Variants in SMYD3 observed in about 807,000 individuals in gnomAD.
SMYD3 encodes the protein SET and MYND domain containing 3.
In SMYD3, 36 loss-of-function variants were observed where a neutral mutation model predicts 57.7. The observed-to-expected ratio is 0.62, with a 90% CI of 0.48 to 0.82. SMYD3 has a LOEUF of 0.82. SMYD3 is among the 40% of genes least tolerant of loss of function. SMYD3 has a pLI of 0.00. For synonymous variants in SMYD3, 211 were observed against 195.0 expected (o/e 1.08, Z -0.68); for missense variants, 515 against 538.8 (o/e 0.96, Z 0.44).
chr1:246,218,429 C>T (rs1267298771), intron 5 of SMYD3, among the ~76,000 whole-genome samples: 2 of 152,092 alleles, frequency 1.3e-5, no homozygotes, highest in African/African-American at 4.8e-5. Flanking sequence ...CGAGACCATC[C>T]TGGCTAACAC....
chr1:246,052,056 C>T (rs10737782), intron 5 of SMYD3, among the ~76,000 whole-genome samples: 58,147 of 152,096 alleles, frequency 0.38, 14,024 homozygotes, highest in African/African-American at 0.66. Flanking sequence ...GGATAAAATA[C>T]ACTTAATTAG....
At chr1:246,401,706 T>C (rs1558446342) in intron 1 of SMYD3, among the ~76,000 whole-genome samples, 1 of 139,522 alleles carries the variant, frequency 7.2e-6, no homozygotes, top group Non-Finnish European at 1.5e-5. Flanking sequence ...GCAATGTTCT[T>C]AAATCCCAGT....
At chr1:245,786,001 A>G (rs2047022608) in intron 10 of SMYD3, among the ~76,000 whole-genome samples, 2 of 151,700 alleles carry the variant, frequency 1.3e-5, no homozygotes, top group African/African-American at 2.4e-5. Flanking sequence ...CATGGTGCCC[A>G]GCCAGAATTT....
intron 1 of SMYD3, among the ~76,000 whole-genome samples, chr1:246,497,777 G>C (rs1482431206): frequency 1.3e-5 from 2 of 151,850 alleles, no homozygotes; most frequent in Admixed American, 1.3e-4. Flanking sequence ...GAGGAGGGAG[G>C]ATCACTTGAG....
chr1:245,785,644 CGAGA>C (rs59644890), intron 10 of SMYD3, among the ~76,000 whole-genome samples: 26 of 149,368 alleles, frequency 1.7e-4, no homozygotes, highest in Admixed American at 1.1e-3. Context: ...AGAGAGCGAG[CGAGA>C]GAGAGAGAGA....
At chr1:245,978,262 G>A (rs1015412774) in intron 5 of SMYD3, among the ~76,000 whole-genome samples, 7 of 152,140 alleles carry the variant, frequency 4.6e-5, no homozygotes, top group Non-Finnish European at 8.8e-5. Context: ...TTCATCTAGG[G>A]CAAGAATCAT....
chr1:245,979,803 A>G (rs533507838), intron 5 of SMYD3, among the ~76,000 whole-genome samples: 25 of 152,320 alleles, frequency 1.6e-4, no homozygotes, highest in Middle Eastern at 3.4e-3. Flanking sequence ...CGGCAGCTAG[A>G]TGGTCTCTAA....
chr1:246,126,606 C>A (rs1027725566), intron 5 of SMYD3, among the ~76,000 whole-genome samples: 1 of 152,210 alleles, frequency 6.6e-6, no homozygotes, highest in African/African-American at 2.4e-5. Flanking sequence ...AATAACCAGG[C>A]ATCAATCTAC....
chr1:245,939,319 A>G (rs1463269465), intron 5 of SMYD3, among the ~76,000 whole-genome samples: 1 of 152,114 alleles, frequency 6.6e-6, no homozygotes, highest in African/African-American at 2.4e-5. Flanking sequence ...AGCATTATAG[A>G]AGTATCGGTT....
At chr1:246,117,275 A>G (rs1432876647) in intron 5 of SMYD3, among the ~76,000 whole-genome samples, 1 of 152,206 alleles carries the variant, frequency 6.6e-6, no homozygotes, top group East Asian at 1.9e-4. Context: ...AGGACTTTCC[A>G]CTTTCATTTC....
intron 9 of SMYD3, among the ~76,000 whole-genome samples, chr1:245,861,852 T>C (rs1252998680): frequency 7.7e-6 from 1 of 130,014 alleles, no homozygotes; most frequent in East Asian, 2.0e-4. Flanking sequence ...TATAGGAGAG[T>C]AGTGAGTGCA....
At chr1:246,061,390 A>G (rs1332004647) in intron 5 of SMYD3, among the ~76,000 whole-genome samples, 2 of 152,108 alleles carry the variant, frequency 1.3e-5, no homozygotes, top group Non-Finnish European at 2.9e-5. Context: ...AATGCGTGGT[A>G]GGGAAATCCA....
intron 1 of SMYD3, among the ~76,000 whole-genome samples, chr1:246,467,244 A>G (rs565118034): frequency 2.0e-5 from 3 of 152,288 alleles, no homozygotes; most frequent in South Asian, 2.1e-4. Flanking sequence ...CTGTGACTCT[A>G]TTACTTAGGA....
At chr1:246,254,158 G>T (rs2063841232) in intron 5 of SMYD3, among the ~76,000 whole-genome samples, 1 of 152,042 alleles carries the variant, frequency 6.6e-6, no homozygotes, top group Non-Finnish European at 1.5e-5. Context: ...GTTTAATTAG[G>T]TCCCACCAGT....
intron 5 of SMYD3, chr1:246,322,379 A>G (rs921217158): frequency 1.3e-5 from 2 of 152,094 alleles, no homozygotes; most frequent in African/African-American, 4.8e-5. Context: ...AAGAGGGGGA[A>G]AAAAATCTCA....
intron 5 of SMYD3, among the ~76,000 whole-genome samples, chr1:246,257,603 G>A (rs2063920231): frequency 6.6e-6 from 1 of 152,290 alleles, no homozygotes; most frequent in Non-Finnish European, 1.5e-5. Context: ...TAAGTAGACT[G>A]TTTAGACCAT....
chr1:246,431,119 T>G lies in SMYD3; in HGVS notation c.164+75935A>C, dbSNP rs138167845. Among the ~76,000 whole-genome samples, 661 of 152,100 alleles carry G rather than the reference T, an allele frequency of 4.3e-3. 4 individuals carry two copies. Among genetic ancestry groups the G allele is most frequent in the Middle Eastern group, 0.01 (3 of 294 alleles). On this transcript the variant is annotated intron_variant, in intron 1 of 11. Coordinates refer to ENST00000490107, the MANE Select transcript of SMYD3 (RefSeq NM_001167740.2). ...AAAAGATTGCTTTTGAGCTAAGAAG[T>G]TAACCAGATAAACAGGAAAAATCAC...
At chr1:246,114,482 G>T (rs1465497147) in intron 5 of SMYD3, among the ~76,000 whole-genome samples, 1 of 152,142 alleles carries the variant, frequency 6.6e-6, no homozygotes, top group Non-Finnish European at 1.5e-5. Context: ...CAAATACCTT[G>T]CTCTGCATAT....
At chr1:246,357,048 A>G (rs1205360755) in intron 1 of SMYD3, among the ~76,000 whole-genome samples, 3 of 152,226 alleles carry the variant, frequency 2.0e-5, no homozygotes, top group African/African-American at 4.8e-5. Flanking sequence ...GGTAGCCTAT[A>G]AAAGAAAACC....
Sources: allele counts gnomAD v4.1 joint callset (sites outside exome capture counted in the v4.1 genomes callset), GRCh38; gene constraint gnomAD v4.1.1; transcripts MANE v1.5; gene names NCBI Gene and HGNC (gene_info 2026-07-23, HGNC 2026-07-21).